Variants in DUSP13A observed in about 807,000 individuals in gnomAD.
The protein encoded by DUSP13A is dual specificity phosphatase 13A.
At chr10:75,105,933 G>A in the DUSP13A span, 4 of 1,478,200 alleles carry the variant, frequency 2.7e-6, no homozygotes, top group Non-Finnish European at 3.7e-6. Flanking sequence ...GCTGGGATGG[G>A]GACCCAAGTT....
the DUSP13A span, chr10:75,109,075 A>C: frequency 1.6e-5 from 25 of 1,612,288 alleles, no homozygotes; most frequent in Non-Finnish European, 2.0e-5. Flanking sequence ...CCCTGCCCGC[A>C]GGAGCTCCTC....
the DUSP13A span, chr10:75,109,153 G>A: frequency 6.9e-6 from 11 of 1,586,934 alleles, no homozygotes; most frequent in Admixed American, 1.9e-4. Flanking sequence ...AGAGGTCTCA[G>A]CCATGGGCCA....
At chr10:75,106,571 G>A in the DUSP13A span, among the ~76,000 whole-genome samples, 11 of 152,224 alleles carry the variant, frequency 7.2e-5, no homozygotes, top group Admixed American at 7.2e-4. Flanking sequence ...GTAGAGGGAA[G>A]TCCCCCCACC....
At chr10:75,106,934 T>C in the DUSP13A span, among the ~76,000 whole-genome samples, 1 of 152,200 alleles carries the variant, frequency 6.6e-6, no homozygotes, top group Non-Finnish European at 1.5e-5. Flanking sequence ...GGTCACACAG[T>C]GAGGGACACA....
chr10:75,108,478 G>A, the DUSP13A span, among the ~76,000 whole-genome samples: 7 of 152,164 alleles, frequency 4.6e-5, no homozygotes, highest in Non-Finnish European at 8.8e-5. Context: ...AGGACAGGAA[G>A]GAAGGGATTG....
At chr10:75,107,304 G>A in the DUSP13A span, among the ~76,000 whole-genome samples, 15 of 150,888 alleles carry the variant, frequency 9.9e-5, no homozygotes, top group Admixed American at 8.6e-4. Context: ...CAGAGATCGC[G>A]CCACTGCACT....
the DUSP13A span, among the ~76,000 whole-genome samples, chr10:75,107,243 G>A: frequency 6.6e-6 from 1 of 151,744 alleles, no homozygotes. Context: ...GCTGAGACAC[G>A]AAAATTGCTT....
At chr10:75,108,321 C>G in the DUSP13A span, 1 of 1,466,852 alleles carries the variant, frequency 6.8e-7, no homozygotes, top group Non-Finnish European at 8.9e-7. Context: ...CAAAGAGAGT[C>G]CAACCCCAGC....
chr10:75,108,300 C>T, the DUSP13A span: 3 of 1,498,344 alleles, frequency 2.0e-6, no homozygotes, highest in Non-Finnish European at 2.6e-6. Flanking sequence ...AGGGACCGAG[C>T]CATTAGGGTC....
the DUSP13A span, chr10:75,105,915 A>AC: frequency 2.0e-6 from 3 of 1,522,050 alleles, no homozygotes; most frequent in South Asian, 3.6e-5. Context: ...ACACCGGCCC[A>AC]CCCACGGGCT....
the DUSP13A span, chr10:75,108,139 C>T: frequency 6.2e-7 from 1 of 1,613,388 alleles, no homozygotes; most frequent in East Asian, 2.2e-5. Context: ...CAGTAGAGGC[C>T]CTTGTGGGCG....
chr10:75,105,858 C>T, the DUSP13A span: 1 of 1,549,082 alleles, frequency 6.5e-7, no homozygotes, highest in African/African-American at 1.4e-5. Flanking sequence ...CACAGTGCAC[C>T]AGGACCTTGG....
At chr10:75,107,926 G>A in the DUSP13A span, 1 of 1,508,866 alleles carries the variant, frequency 6.6e-7, no homozygotes, top group Non-Finnish European at 9.0e-7. Context: ...TGATGACTGA[G>A]AGGAAATGAG....
chr10:75,107,784 C>T, the DUSP13A span, among the ~76,000 whole-genome samples: 1,354 of 152,262 alleles, frequency 8.9e-3, 11 homozygotes, highest in Non-Finnish European at 0.016. Flanking sequence ...ACCGTGTTGG[C>T]CAGGCTGGTC....
At chr10:75,106,606 C>T in the DUSP13A span, among the ~76,000 whole-genome samples, 2 of 152,168 alleles carry the variant, frequency 1.3e-5, no homozygotes, top group Non-Finnish European at 2.9e-5. Context: ...GGCTTAGCAC[C>T]CCCGCCGTGT....
the DUSP13A span, chr10:75,107,900 A>C: frequency 7.2e-7 from 1 of 1,388,570 alleles, no homozygotes; most frequent in African/African-American, 1.4e-5. Context: ...TTTAAAAAGC[A>C]GGGATGGGAG....
At chr10:75,107,995 C>G in the DUSP13A span, 58,044 of 1,611,230 alleles carry the variant, frequency 0.036, 1,302 homozygotes, top group Non-Finnish European at 0.044. Context: ...GTCCTACCCC[C>G]AGGCGTGTTG....
At chr10:75,105,689 G>A in the DUSP13A span, 30 of 1,549,696 alleles carry the variant, frequency 1.9e-5, no homozygotes, top group South Asian at 2.3e-4. Context: ...CCGGCACCCC[G>A]CAGTTGCTGG....
At chr10:75,108,145 G>C in the DUSP13A span, 1 of 1,613,184 alleles carries the variant, frequency 6.2e-7, no homozygotes, top group Non-Finnish European at 8.5e-7. Context: ...AGGCCCTTGT[G>C]GGCGGCGTTC....
Sources: gnomAD v4.1 joint callset for allele counts (sites outside exome capture counted in the v4.1 genomes callset) on GRCh38, gnomAD v4.1.1 for gene constraint, MANE v1.5 for transcripts, NCBI Gene and HGNC (gene_info 2026-07-23, HGNC 2026-07-21) for gene names.